Variants in GPR149 observed in about 807,000 individuals in gnomAD.
GPR149 encodes probable G protein-coupled receptor 149.
A neutral mutation model predicts 50.2 loss-of-function variants in GPR149; 50 were observed. The observed-to-expected ratio is 1.00, with a 90% CI of 0.79 to 1.26. The LOEUF (loss-of-function observed/expected upper bound fraction) is 1.26. Ranked by LOEUF, GPR149 falls within the 50% of genes most tolerant of loss-of-function variation. The pLI, the probability that GPR149 is intolerant of heterozygous loss-of-function variation, is 0.00. For missense variants in GPR149, 983 were observed against 895.4 expected, an observed-to-expected ratio of 1.10 and a Z score of -1.25; for synonymous variants, 405 against 358.2, an observed-to-expected ratio of 1.13 and a Z score of -1.48.
chr3:154,363,843 C>A (rs367668682), intron 3 of GPR149, among the ~76,000 whole-genome samples: 1 of 152,178 alleles, frequency 6.6e-6, no homozygotes, highest in Non-Finnish European at 1.5e-5. Context: ...CAGATGACAA[C>A]CCACTTTTGG....
In GPR149 at chr3:154,421,245, A is replaced by C; in HGVS notation, c.1417T>G (p.Cys473Gly). 1.9e-6 allele frequency: 3 copies of C among 1,613,288 alleles called. No individual in the cohort carries two copies. The highest frequency in any genetic ancestry group is 1.7e-6 in the Non-Finnish European group (2 of 1,179,598). The change falls in exon 3 of 4, where the codon TGC (cysteine) becomes GGC (glycine). Residue 473 changes from cysteine (C) to glycine (G), a missense_variant. By Grantham distance (159) the Cys-to-Gly change is radical (BLOSUM62 -3). Coordinates refer to ENST00000389740, the MANE Select transcript of GPR149 (RefSeq NM_001038705.3). The stretch of plus-strand genomic sequence containing the variant: ...GCTTCTGTAATATCAGTATTTGTGC[A>C]TTTGTTGATGCCTCTTTGTGTGGAG... Reference protein sequence around the residue: ...DSSTQRGINKCTNTDITEAKQ... With the variant: ...DSSTQRGINKGTNTDITEAKQ...
chr3:154,427,121 G>A (rs1712324956), intron 2 of GPR149, among the ~76,000 whole-genome samples: 1 of 152,026 alleles, frequency 6.6e-6, no homozygotes, highest in Admixed American at 6.6e-5. Flanking sequence ...TTTTTCAAAT[G>A]CAAGCTTCTT....
chr3:154,416,586 G>A (rs908492084), intron 3 of GPR149, among the ~76,000 whole-genome samples: 24 of 151,764 alleles, frequency 1.6e-4, no homozygotes, highest in Admixed American at 1.5e-3. Context: ...AGAAACCAAC[G>A]CTGCTACTAA....
intron 3 of GPR149, among the ~76,000 whole-genome samples, chr3:154,417,887 C>G (rs901977964): frequency 1.3e-5 from 2 of 152,008 alleles, no homozygotes; most frequent in African/African-American, 2.4e-5. Flanking sequence ...TGTGTTTTTG[C>G]TAGCATTTTA....
chr3:154,350,525 CT>C, intron 3 of GPR149, among the ~76,000 whole-genome samples: 1 of 152,196 alleles, frequency 6.6e-6, no homozygotes, highest in Admixed American at 6.5e-5. Context: ...CTACATGACA[CT>C]TTAAAAAGTT....
rs752967717 is a variant in GPR149, at chr3:154,427,604, G to C, written c.1086C>G (p.Val362=). The stretch of plus-strand genomic sequence containing the variant: ...GCAAGTGGGTCCAGCGTTTGGACAA[G>C]ACAAACACTGGGGTTACAGTGGTGG... ...LLATTVTPVF[V]LSKRWTHLPC... Residue 362 remains valine (V), a synonymous_variant, in exon 2 of 4, where the codon GTC becomes GTG. Coordinates refer to ENST00000389740, the MANE Select transcript of GPR149 (RefSeq NM_001038705.3). The C allele has an allele frequency of 6.2e-7, 1 of 1,614,196 alleles. No homozygotes were observed. Among genetic ancestry groups the C allele is most frequent in the Non-Finnish European group, 8.5e-7 (1 of 1,180,004 alleles).
Position 154,429,486 on chromosome 3 carries a change from T to C in GPR149, c.130A>G (p.Thr44Ala), listed in dbSNP as rs1463510603. The C allele has an allele frequency of 4.3e-6, 7 of 1,614,104 alleles. No individual in the cohort carries two copies. The Admixed American group carries it at 6.7e-5, about 15-fold the overall frequency. ...ATGCTGCCCACCAAGGCTGCAAAAG[T>C]CATGAGACATGTCAAGCAAAAAAGA... ...IYLFCLTCLMTFAALVGSIYS... is the reference protein window; with the variant it reads ...IYLFCLTCLMAFAALVGSIYS... Residue 44 changes from threonine (T) to alanine (A), a missense_variant, in exon 1 of 4, where the codon ACT becomes GCT. Coordinates refer to ENST00000389740, the MANE Select transcript of GPR149 (RefSeq NM_001038705.3).
chr3:154,406,107 A>G (rs1711678728), intron 3 of GPR149, among the ~76,000 whole-genome samples: 1 of 152,016 alleles, frequency 6.6e-6, no homozygotes, highest in Admixed American at 6.5e-5. Context: ...AAAAATTGGA[A>G]AAAATAATAA....
chr3:154,385,700 CTTTCT>C (rs1209371280), intron 3 of GPR149, among the ~76,000 whole-genome samples: 41 of 108,824 alleles, frequency 3.8e-4, no homozygotes, highest in East Asian at 2.6e-3. Flanking sequence ...TTCTTTCTTT[CTTTCT>C]TTTTTTTTTT....
At chr3:154,428,597 C>A in intron 1 of GPR149, 38 bp downstream of exon 1, 1 of 1,587,092 alleles carries the variant, frequency 6.3e-7, no homozygotes, top group South Asian at 1.2e-5. Context: ...CACTGTCTGG[C>A]ACACACACTC....
intron 2 of GPR149, among the ~76,000 whole-genome samples, chr3:154,426,915 A>T (rs983395403): frequency 2.7e-5 from 4 of 148,222 alleles, no homozygotes; most frequent in African/African-American, 1.0e-4. Flanking sequence ...TGTGTGTGTG[A>T]GACAGAGAGA....
intron 3 of GPR149, among the ~76,000 whole-genome samples, chr3:154,387,669 T>C (rs1002684808): frequency 2.6e-4 from 39 of 152,160 alleles, no homozygotes; most frequent in African/African-American, 8.4e-4. Context: ...CTGTGCCTTC[T>C]TCCATCTCAT....
chr3:154,340,088 G>A (rs937464255), intron 3 of GPR149, among the ~76,000 whole-genome samples: 2 of 151,890 alleles, frequency 1.3e-5, no homozygotes, highest in Non-Finnish European at 2.9e-5. Context: ...CACCGTGCCC[G>A]GCCCACGCTC....
Position 154,427,551 on chromosome 3 carries a change from T to C in GPR149, c.1139A>G (p.Gln380Arg). Residue 380 changes from glutamine (Q) to arginine (R), a missense_variant, in exon 2 of 4, where the codon CAG becomes CGG. Gln to Arg is a conservative substitution (Grantham distance 43). Transcript: ENST00000389740. Reference protein sequence around the residue: ...LPCGCIINCRQNAYAVASDGK... With the variant: ...LPCGCIINCRRNAYAVASDGK... The stretch of plus-strand genomic sequence containing the variant: ...ATCGGACGCCACTGCATATGCGTTC[T>C]GCCTGCAGTTGATGATGCAGCCACA... 6.2e-7 allele frequency: 1 copy of C among 1,613,802 alleles called. No homozygotes were observed. The highest frequency in any genetic ancestry group is 8.5e-7 in the Non-Finnish European group (1 of 1,179,890).
chr3:154,412,185 T>C (rs1711855387), intron 3 of GPR149, among the ~76,000 whole-genome samples: 1 of 152,124 alleles, frequency 6.6e-6, no homozygotes, highest in Non-Finnish European at 1.5e-5. Context: ...AAAATCAGCA[T>C]AGAAGGGACA....
intron 3 of GPR149, among the ~76,000 whole-genome samples, chr3:154,348,251 C>G (rs1713981414): frequency 6.6e-6 from 1 of 152,178 alleles, no homozygotes; most frequent in Admixed American, 6.5e-5. Flanking sequence ...CTGAATTAGA[C>G]AGCAGATTCC....
intron 3 of GPR149, among the ~76,000 whole-genome samples, chr3:154,374,531 C>T (rs1020313814): frequency 6.6e-6 from 1 of 151,964 alleles, no homozygotes; most frequent in Admixed American, 6.6e-5. Context: ...GGTGAGGGCT[C>T]TCTAGTCCCT....
chr3:154,379,839 T>G (rs1559979799), intron 3 of GPR149, among the ~76,000 whole-genome samples: 2 of 152,170 alleles, frequency 1.3e-5, no homozygotes, highest in Non-Finnish European at 2.9e-5. Context: ...TTACTGTGTC[T>G]TTATAGCGAG....
At chr3:154,352,295 G>T in intron 3 of GPR149, 1 of 887,214 alleles carries the variant, frequency 1.1e-6, no homozygotes, top group East Asian at 2.5e-5. Context: ...CGCCTGACCA[G>T]CCACTTGACC....
Sources: allele counts gnomAD v4.1 joint callset (sites outside exome capture counted in the v4.1 genomes callset), GRCh38; gene constraint gnomAD v4.1.1; transcripts MANE v1.5; gene names NCBI Gene and HGNC (gene_info 2026-07-23, HGNC 2026-07-21).